The following ARHGEF18 variants were observed in gnomAD, a reference collection of about 807,000 sequenced individuals.
ARHGEF18 encodes the protein Rho/Rac guanine nucleotide exchange factor 18, also known as rho guanine nucleotide exchange factor 18.
In ARHGEF18, 93 loss-of-function variants were observed where a neutral mutation model predicts 155.7. The observed-to-expected ratio is 0.60, with a 90% confidence interval of 0.50 to 0.71. The LOEUF (loss-of-function observed/expected upper bound fraction) is 0.71, where lower values mean the gene tolerates loss of function less well. ARHGEF18 is among the 30% of genes least tolerant of loss of function. The probability of loss-of-function intolerance (pLI) is 0.00; values close to 1 mark genes in which losing one functional copy is unlikely to be tolerated. For missense variants in ARHGEF18, 1,593 were observed against 1,816.1 expected, an observed-to-expected ratio of 0.88 and a Z score of 2.23; for synonymous variants, 742 against 753.1, an observed-to-expected ratio of 0.99 and a Z score of 0.24.
Position 7,467,487 on chromosome 19 carries a change from G to C in ARHGEF18, c.3283G>C (p.Ala1095Pro), listed in dbSNP as rs1408661248. 6.9e-7 allele frequency: 1 copy of C among 1,446,064 alleles called. No homozygotes were observed. The highest frequency in any genetic ancestry group is 9.0e-7 in the Non-Finnish European group (1 of 1,111,624). 89.6% of individuals were successfully genotyped at this position (1,446,064 alleles called of 1,614,324 possible). The change falls in exon 26 of 29, where the codon GCG (alanine) becomes CCG (proline). Residue 1095 changes from alanine (A) to proline (P), a missense_variant. Transcript: ENST00000668164. ...GARLQEREGE[A>P]RQLRERLEQE... The stretch of plus-strand genomic sequence containing the variant: ...GCGGCTGCAGGAGCGCGAGGGCGAG[G>C]CGCGGCAGCTACGCGAGCGGCTGGA...
downstream of ARHGEF18, among the ~76,000 whole-genome samples, chr19:7,475,145 T>C (rs138351648): frequency 0.025 from 3,871 of 152,180 alleles, 184 homozygotes; most frequent in African/African-American, 0.088. Flanking sequence ...AGGCAGAGAA[T>C]TGCTTGAACC....
At chr19:7,452,072 T>C (rs905276199) in intron 16 of ARHGEF18, among the ~76,000 whole-genome samples, 1 of 152,172 alleles carries the variant, frequency 6.6e-6, no homozygotes, top group Admixed American at 6.5e-5. Flanking sequence ...GTCAGCACCA[T>C]GAAAGCAGGA....
intron 13 of ARHGEF18, among the ~76,000 whole-genome samples, chr19:7,443,593 A>G (rs893522551): frequency 7.2e-5 from 11 of 152,146 alleles, no homozygotes; most frequent in African/African-American, 2.7e-4. Flanking sequence ...TCCTGATACT[A>G]TCACCTTTGG....
At position 7,440,465 on chromosome 19, in the gene ARHGEF18, C is replaced by A. The variant is rs1192454668; in HGVS notation, c.1089C>A (p.Gly363=). Residue 363 remains glycine, a synonymous_variant, in exon 11 of 29, where the codon GGC becomes GGA. Coordinates refer to ENST00000668164, the MANE Select transcript of ARHGEF18 (RefSeq NM_001367823.1). This position sits in a 1 kb window ranked among gnomAD's most constrained non-coding sequence, Gnocchi z 5.4. ...CCCAGCCAACACCGAGCCCGGCTGG[C>A]CCTGGGACGCAACTCGGGTAAGCCA... ...GGPQPTPSPA[G]PGTQLGPITG... 6.3e-7 allele frequency: 1 copy of A among 1,598,576 alleles called. No individual in the cohort carries two copies. The highest frequency in any genetic ancestry group is 2.2e-5 in the East Asian group (1 of 44,844).
At chr19:7,390,166 G>A (rs1186179631) in intron 10 of ARHGEF18, among the ~76,000 whole-genome samples, 2 of 152,116 alleles carry the variant, frequency 1.3e-5, no homozygotes, top group Admixed American at 1.3e-4. Flanking sequence ...CTGCCCTCTA[G>A]CCTGTGCCAC....
intron 10 of ARHGEF18, among the ~76,000 whole-genome samples, chr19:7,410,671 G>T (rs992669383): frequency 6.6e-6 from 1 of 151,786 alleles, no homozygotes; most frequent in African/African-American, 2.4e-5. Flanking sequence ...TTAGCTGGGT[G>T]TGGTGGCATG....
Position 7,362,813 on chromosome 19 carries a change from GA to G in ARHGEF18, c.-77del. ...GCCCAAGTCATGTGTCCAGCCTTTT[GA>G]CTCTGGAGCTGTGGCTTCAGCCACC... On this transcript the variant is annotated 5_prime_UTR_variant, in exon 2 of 29. The change abolishes the stop of an existing upstream ORF in the 5' untranslated region. Transcript: ENST00000668164. 5 of 1,234,198 alleles carry G rather than the reference GA, an allele frequency of 4.1e-6. No homozygotes were observed. The highest frequency in any genetic ancestry group is 5.1e-6 in the Non-Finnish European group (5 of 988,150). 76.5% of individuals were successfully genotyped at this position (1,234,198 alleles called of 1,614,324 possible).
At chr19:7,473,558 TC>T (rs1426815331), downstream of ARHGEF18, among the ~76,000 whole-genome samples, 3 of 151,918 alleles carry the variant, frequency 2.0e-5, no homozygotes, top group African/African-American at 4.8e-5. Context: ...ACGCGTGTAA[TC>T]CCAGCACTTT....
intron 2 of ARHGEF18, among the ~76,000 whole-genome samples, chr19:7,371,871 G>C (rs1375583984): frequency 2.6e-5 from 4 of 151,932 alleles, no homozygotes; most frequent in Non-Finnish European, 5.9e-5. Flanking sequence ...GTATTTCACT[G>C]GAATAAAAAG....
At chr19:7,450,819 G>A (rs904031460) in intron 15 of ARHGEF18, among the ~76,000 whole-genome samples, 3 of 115,434 alleles carry the variant, frequency 2.6e-5, no homozygotes, top group South Asian at 2.9e-4. Flanking sequence ...ATGTTAATAC[G>A]GGGTCTTGCT....
Position 7,442,022 on chromosome 19 carries a change from G to C in ARHGEF18, c.1330G>C (p.Glu444Gln). Residue 444 changes from glutamate (E) to glutamine (Q), a missense_variant, in exon 13 of 29, where the codon GAG (glutamate) becomes CAG (glutamine). Transcript: ENST00000668164. The stretch of plus-strand genomic sequence containing the variant: ...AGCCTACGCCAAGAAGCAAAAGAGG[G>C]AGGTGGTGAAAAGACAAGATGTCCT... The part of the protein sequence containing the change: ...DAAYAKKQKR[E>Q]VVKRQDVLYE... 1 of 1,614,132 alleles carries C rather than the reference G, an allele frequency of 6.2e-7. No homozygotes were observed.
At chr19:7,365,049 T>A (rs1338917954) in intron 2 of ARHGEF18, among the ~76,000 whole-genome samples, 3 of 152,184 alleles carry the variant, frequency 2.0e-5, no homozygotes, top group African/African-American at 7.2e-5. Context: ...GGAGGATCTG[T>A]TACGGTTAAG....
At chr19:7,362,672 T>C in intron 1 of ARHGEF18, 109 bp from the exon 2 acceptor site, 1 of 1,043,112 alleles carries the variant, frequency 9.6e-7, no homozygotes, top group East Asian at 3.3e-5. Flanking sequence ...CATTTTATAG[T>C]TGAGAAAACT....
chr19:7,433,532 A>G (rs1027385040), intron 10 of ARHGEF18, among the ~76,000 whole-genome samples: 3 of 138,086 alleles, frequency 2.2e-5, no homozygotes, highest in Admixed American at 1.5e-4. Flanking sequence ...AAAAAAAAAA[A>G]GTGTATCAGG....
intron 10 of ARHGEF18, among the ~76,000 whole-genome samples, chr19:7,387,342 C>T (rs751000481): frequency 4.0e-5 from 6 of 151,894 alleles, no homozygotes; most frequent in Admixed American, 1.3e-4. Flanking sequence ...TTAGTAGAGA[C>T]GGGGTTTCAC....
At chr19:7,375,269 C>G (rs184645206) in intron 3 of ARHGEF18, among the ~76,000 whole-genome samples, 4,051 of 93,378 alleles carry the variant, frequency 0.043, 252 homozygotes, top group African/African-American at 0.17. Context: ...GAGACTCTGT[C>G]TCAAAAAAAA....
intron 10 of ARHGEF18, among the ~76,000 whole-genome samples, chr19:7,393,455 C>T (rs1286179326): frequency 6.6e-6 from 1 of 152,180 alleles, no homozygotes; most frequent in African/African-American, 2.4e-5. Flanking sequence ...GTGATCCTCC[C>T]TCCTCAGACT....
At chr19:7,359,981 C>T (rs1309657407) in intron 1 of ARHGEF18, among the ~76,000 whole-genome samples, 2 of 152,070 alleles carry the variant, frequency 1.3e-5, no homozygotes, top group East Asian at 3.9e-4. Flanking sequence ...ATGGTGAAAC[C>T]CCATTTCAAC....
chr19:7,404,966 ATTTTT>A (rs1222896650), intron 10 of ARHGEF18, among the ~76,000 whole-genome samples: 1 of 150,216 alleles, frequency 6.7e-6, no homozygotes, highest in Non-Finnish European at 1.5e-5. Context: ...CTTTATTTTT[ATTTTT>A]ATTTTTTTGA....
Sources: gnomAD v4.1 joint callset for allele counts (sites outside exome capture counted in the v4.1 genomes callset) on GRCh38, gnomAD v4.1.1 for gene constraint, Gnocchi (gnomAD v3.1) non-coding constraint, MANE v1.5 for transcripts, NCBI Gene and HGNC (gene_info 2026-07-23, HGNC 2026-07-21) for gene names.